Variants in CNTNAP2 observed in about 807,000 individuals in gnomAD.
CNTNAP2 encodes the protein contactin-associated protein-like 2.
In CNTNAP2, 98 loss-of-function variants were observed where a neutral mutation model predicts 155.2. The ratio of observed to expected loss-of-function variants is 0.63; its 90% CI spans 0.54 to 0.75. The LOEUF (loss-of-function observed/expected upper bound fraction) is 0.75. Ranked by LOEUF, CNTNAP2 falls within the 30% of genes least tolerant of loss-of-function variation. CNTNAP2 has a pLI of 0.00. For missense variants in CNTNAP2, 1,727 were observed against 1,688.1 expected (o/e 1.02, Z -0.40); for synonymous variants, 651 against 631.2 (o/e 1.03, Z -0.47).
chr7:146,764,071 G>A (rs1392363238), intron 1 of CNTNAP2, among the ~76,000 whole-genome samples: 1 of 152,168 alleles, frequency 6.6e-6, no homozygotes, highest in Non-Finnish European at 1.5e-5. Flanking sequence ...CAGTTAACCA[G>A]TTAATGAAAC....
In CNTNAP2 at chr7:146,751,131, TTTA is replaced by T. The variant is rs199576207; in HGVS notation, c.98-23137_98-23135del. 9.9e-3 allele frequency among the ~76,000 whole-genome samples: 1,511 copies of T among 152,220 alleles called. 28 individuals are homozygous for T. The highest frequency in any genetic ancestry group is 0.032 in the African/African-American group (1,341 of 41,526). ...GTCTTAATAGCATGGGAAAATTAGT[TTTA>T]TTGTGCAGATATATTAATAAATTTA... is the stretch of plus-strand genomic sequence containing the variant. On this transcript the variant is annotated intron_variant, in intron 1 of 23. Coordinates refer to ENST00000361727, the MANE Select transcript of CNTNAP2 (RefSeq NM_014141.6).
In CNTNAP2 at chr7:147,589,792, A is replaced by G. The variant is rs1193191027; in HGVS notation, c.1897+27535A>G. Among the ~76,000 whole-genome samples, 3 of 152,128 alleles carry G rather than the reference A, an allele frequency of 2.0e-5. No homozygotes were observed. In the East Asian group the frequency reaches 5.8e-4, roughly 29 times the overall value. ...TATTCCAAAGGTGCATGAGTATCCC[A>G]GGGGTATATACTTAGCAAGAATTTC... On this transcript the variant is annotated intron_variant, in intron 12 of 23. Transcript: ENST00000361727.
chr7:148,161,666 T>A (rs1160052819), intron 17 of CNTNAP2, among the ~76,000 whole-genome samples: 2 of 152,162 alleles, frequency 1.3e-5, no homozygotes, highest in African/African-American at 4.8e-5. Flanking sequence ...AGCCTCTCAC[T>A]ACCCGTTCCT....
intron 3 of CNTNAP2, 60 bp downstream of exon 3, chr7:146,839,964 A>G (rs1803689237): frequency 1.3e-6 from 2 of 1,541,986 alleles, no homozygotes; most frequent in African/African-American, 1.4e-5. Context: ...AGAAAATGGT[A>G]CAGGATTTAC....
Position 147,674,082 on chromosome 7 carries a change from C to CT in CNTNAP2, c.2098+34783dup, listed in dbSNP as rs141081869. Among the ~76,000 whole-genome samples, 1,309 of 152,054 alleles carry CT rather than the reference C, an allele frequency of 8.6e-3. 21 individuals carry two copies. Among genetic ancestry groups the CT allele is most frequent in the African/African-American group, 0.03 (1,235 of 41,474 alleles). The stretch of plus-strand genomic sequence containing the variant: ...TTGTAGCTATGACCGTGACGATTTA[C>CT]TTTTTTTAATTCTGGAGGAAATTTC... On this transcript the variant is annotated intron_variant, in intron 13 of 23. Transcript: ENST00000361727.
At chr7:147,828,419 C>T (rs79945735) in intron 13 of CNTNAP2, among the ~76,000 whole-genome samples, 7,347 of 152,240 alleles carry the variant, frequency 0.048, 297 homozygotes, top group Admixed American at 0.12. Flanking sequence ...TAGATTACTG[C>T]ATTCTTCCAT....
At position 147,616,800 on chromosome 7, in the gene CNTNAP2, A is replaced by T. The variant is rs141893523; in HGVS notation, c.1898-22306A>T. ...TAAGTTGCCTGAGATGATGGATTTTATATCGTGCTCATTGCCGTACCTCTA... is the reference window on the plus strand; with the variant it reads ...TAAGTTGCCTGAGATGATGGATTTTTTATCGTGCTCATTGCCGTACCTCTA... On this transcript the variant is annotated intron_variant, in intron 12 of 23. Coordinates refer to ENST00000361727, the MANE Select transcript of CNTNAP2 (RefSeq NM_014141.6). Among the ~76,000 whole-genome samples the T allele has an allele frequency of 6.7e-4, 102 of 152,260 alleles. 1 individual carries two copies. Among genetic ancestry groups the T allele is most frequent in the African/African-American group, 2.4e-3 (98 of 41,546 alleles).
chr7:146,758,849 A>T (rs2129183611), intron 1 of CNTNAP2, among the ~76,000 whole-genome samples: 1 of 152,260 alleles, frequency 6.6e-6, no homozygotes, highest in South Asian at 2.1e-4. Context: ...TCCTGATTAG[A>T]ACTTTCAGGA....
intron 21 of CNTNAP2, among the ~76,000 whole-genome samples, chr7:148,303,272 A>T (rs1192930126): frequency 6.6e-6 from 1 of 152,196 alleles, no homozygotes; most frequent in Non-Finnish European, 1.5e-5. Flanking sequence ...TCTTCCAGGT[A>T]GAGAATGCAA....
intron 1 of CNTNAP2, among the ~76,000 whole-genome samples, chr7:146,235,123 T>C (rs1799450197): frequency 1.3e-5 from 2 of 151,916 alleles, no homozygotes; most frequent in South Asian, 4.2e-4. Flanking sequence ...TGGCTGTACA[T>C]AGAAAATACA....
chr7:147,313,181 G>A (rs35584872), intron 9 of CNTNAP2, among the ~76,000 whole-genome samples: 73,119 of 150,130 alleles, frequency 0.49, 18,999 homozygotes, highest in East Asian at 0.73. Context: ...CAGATGAGCA[G>A]GTTGCAAAAC....
intron 2 of CNTNAP2, among the ~76,000 whole-genome samples, chr7:146,835,377 A>G (rs1171150934): frequency 6.6e-6 from 1 of 152,150 alleles, no homozygotes; most frequent in Non-Finnish European, 1.5e-5. Flanking sequence ...GCTTTTGGTA[A>G]TACATAGAAC....
intron 13 of CNTNAP2, among the ~76,000 whole-genome samples, chr7:147,813,877 G>A (rs556662888): frequency 6.6e-4 from 100 of 152,102 alleles, no homozygotes; most frequent in African/African-American, 2.3e-3. Context: ...CCCTCTCTTC[G>A]TTTTAAAAGA....
chr7:146,643,994 T>C (rs1316950726), intron 1 of CNTNAP2, among the ~76,000 whole-genome samples: 1 of 152,230 alleles, frequency 6.6e-6, no homozygotes, highest in Non-Finnish European at 1.5e-5. Context: ...AAGCTTGTGA[T>C]TTTTGTAGAT....
intron 14 of CNTNAP2, among the ~76,000 whole-genome samples, chr7:147,925,075 T>C (rs1800360079): frequency 6.7e-6 from 1 of 148,678 alleles, no homozygotes; most frequent in Admixed American, 6.8e-5. Context: ...GCCAAGATCA[T>C]GCCACGGCAC....
intron 1 of CNTNAP2, among the ~76,000 whole-genome samples, chr7:146,429,882 G>A (rs182905002): frequency 6.6e-6 from 1 of 152,140 alleles, no homozygotes; most frequent in Non-Finnish European, 1.5e-5. Flanking sequence ...TCTTATTATT[G>A]TGAAGTATGT....
chr7:146,754,494 A>T (rs1801958539), intron 1 of CNTNAP2, among the ~76,000 whole-genome samples: 1 of 151,794 alleles, frequency 6.6e-6, no homozygotes, highest in Non-Finnish European at 1.5e-5. Flanking sequence ...TTCAGCTTTT[A>T]TCCAATGAGA....
intron 1 of CNTNAP2, among the ~76,000 whole-genome samples, chr7:146,136,530 C>T (rs188095368): frequency 2.6e-5 from 4 of 152,198 alleles, no homozygotes; most frequent in Non-Finnish European, 4.4e-5. Context: ...GGCATTTCAA[C>T]GTTCAGAGGA....
intron 18 of CNTNAP2, among the ~76,000 whole-genome samples, chr7:148,180,993 C>A (rs1485104971): frequency 6.6e-6 from 1 of 152,158 alleles, no homozygotes; most frequent in African/African-American, 2.4e-5. Context: ...GTGGTAGTGT[C>A]TATCTATCTA....
Sources: allele counts gnomAD v4.1 joint callset (sites outside exome capture counted in the v4.1 genomes callset), GRCh38; gene constraint gnomAD v4.1.1; transcripts MANE v1.5; gene names NCBI Gene and HGNC (gene_info 2026-07-23, HGNC 2026-07-21).